Variants in TSC2 observed in about 807,000 individuals in gnomAD.
TSC2 encodes tuberin.
Under a neutral mutation model 202.2 loss-of-function variants are expected in TSC2, and 29 were observed. The ratio of observed to expected loss-of-function variants is 0.14; its 90% CI spans 0.11 to 0.20. The LOEUF is 0.20. TSC2 is among the 10% of genes least tolerant of loss of function. TSC2 has a pLI of 1.00. For synonymous variants in TSC2, 1,349 were observed against 1,044.0 expected, an observed-to-expected ratio of 1.29 and a Z score of -5.63; for missense variants, 2,429 against 2,420.0, an observed-to-expected ratio of 1.00 and a Z score of -0.08.
intron 30 of TSC2, chr16:2,080,648 C>G: frequency 2.2e-6 from 1 of 462,252 alleles, no homozygotes; most frequent in Non-Finnish European, 4.0e-6. Flanking sequence ...CACGCCTGGC[C>G]AATTTTTTTG....
chr16:2,056,841 A>T (rs568282382), intron 8 of TSC2, 72 bp downstream of exon 8: 1 of 1,597,066 alleles, frequency 6.3e-7, no homozygotes, highest in Middle Eastern at 1.7e-4. Context: ...CCTGTCTCCC[A>T]TGAATGGTTG....
At chr16:2,072,765 C>T (rs1472006528) in intron 20 of TSC2, 84 bp from the exon 21 acceptor site, 15 of 1,604,928 alleles carry the variant, frequency 9.3e-6, no homozygotes, top group South Asian at 6.6e-5. Flanking sequence ...CCTGGGCCTG[C>T]GTTCCCAGGG....
intron 14 of TSC2, 26 bp downstream of exon 14, chr16:2,063,079 G>T (rs775442927): frequency 6.4e-7 from 1 of 1,551,090 alleles, no homozygotes. Context: ...GCCGCAGCTG[G>T]GGGCTCAGGG....
chr16:2,069,043 A>G (rs532970978), intron 16 of TSC2, among the ~76,000 whole-genome samples: 2 of 152,296 alleles, frequency 1.3e-5, no homozygotes, highest in South Asian at 4.1e-4. Context: ...GAGGCGGAAG[A>G]AAATTGGCAT....
At chr16:2,070,671 C>T (rs2151284445) in intron 17 of TSC2, 93 bp downstream of exon 17, 5 of 1,584,644 alleles carry the variant, frequency 3.2e-6, no homozygotes, top group Non-Finnish European at 4.3e-6. Context: ...GCAGAGACGG[C>T]CCCAGGATGG....
chr16:2,054,334 G>C lies in TSC2; in HGVS notation c.375G>C (p.Lys125Asn), dbSNP rs778928295. ...GGGTCCTCAGAGCCCTCTTCTTTAAGGTCATCAAGGATTACCCTTCCAACG... is the reference window on the plus strand; with the variant it reads ...GGGTCCTCAGAGCCCTCTTCTTTAACGTCATCAAGGATTACCCTTCCAACG... ...RLGVLRALFF[K>N]VIKDYPSNED... The change falls in exon 5 of 42, where the codon AAG becomes AAC. Residue 125 changes from lysine (K) to asparagine (N), a missense_variant. Physicochemically the swap from Lys to Asn is moderately conservative, Grantham distance 94 (BLOSUM62 0). Coordinates refer to ENST00000219476, the MANE Select transcript of TSC2 (RefSeq NM_000548.5). 2.5e-6 allele frequency: 4 copies of C among 1,614,068 alleles called. No individual in the cohort carries two copies. In the African/African-American group the frequency reaches 4.0e-5, roughly 16 times the overall value.
In TSC2 at chr16:2,073,002, A is replaced by G. The variant is rs535037838; in HGVS notation, c.2355+19A>G. 2 of 1,613,174 alleles carry G rather than the reference A, an allele frequency of 1.2e-6. No homozygotes were observed. Among genetic ancestry groups the G allele is most frequent in the Admixed American group, 1.7e-5 (1 of 60,026 alleles). ...CAAACAGGTAGGAGGTCAGAGCAGG[A>G]CAGGCGAGCTTGATGGGGCCTGGGA... On this transcript the variant is annotated intron_variant, in intron 21 of 41. Coordinates refer to ENST00000219476, the MANE Select transcript of TSC2 (RefSeq NM_000548.5).
intron 9 of TSC2, among the ~76,000 whole-genome samples, chr16:2,058,115 C>G (rs2086120548): frequency 6.6e-6 from 1 of 150,832 alleles, no homozygotes; most frequent in Non-Finnish European, 1.5e-5. Context: ...TCTCTCCTAG[C>G]CCTGCCTCAG....
chr16:2,071,270 T>C, intron 17 of TSC2: 1 of 584,680 alleles, frequency 1.7e-6, no homozygotes, highest in Non-Finnish European at 3.1e-6. Flanking sequence ...CCAGCTGTGG[T>C]GGTGGGGACA....
chr16:2,085,112 C>G (rs1596424595), intron 35 of TSC2, 86 bp downstream of exon 35: 1 of 1,603,086 alleles, frequency 6.2e-7, no homozygotes, highest in African/African-American at 1.3e-5. Flanking sequence ...GCTGGGAGCT[C>G]AGGCTTGCAG....
At chr16:2,058,660 G>T in intron 9 of TSC2, 87 bp from the exon 10 acceptor site, 1 of 1,537,104 alleles carries the variant, frequency 6.5e-7, no homozygotes, top group South Asian at 1.2e-5. Flanking sequence ...TGGGGCTGCT[G>T]CAGGAGCCTC....
intron 21 of TSC2, 54 bp from the exon 22 acceptor site, chr16:2,074,146 C>T (rs750155470): frequency 1.2e-5 from 19 of 1,605,314 alleles, no homozygotes; most frequent in African/African-American, 2.7e-5. Flanking sequence ...GAGGGGTAGG[C>T]GAGGCTGCCT....
rs756121647 is a variant in TSC2, at chr16:2,056,703, C to T, written c.708C>T (p.Leu236=). ...ACAACTGCCTGCCGGCTGAGAGCCT[C>T]CCGCTGTTCATCGTTACCCTCTGTC... ...VCYNCLPAES[L]PLFIVTLCRT... is the part of the protein sequence containing the mutation. The change falls in exon 8 of 42, where the codon CTC becomes CTT. Residue 236 remains leucine, a synonymous_variant. Coordinates refer to ENST00000219476, the MANE Select transcript of TSC2 (RefSeq NM_000548.5). 80 of 1,612,562 alleles carry T rather than the reference C, an allele frequency of 5.0e-5. No individual in the cohort carries two copies. The highest frequency in any genetic ancestry group is 1.6e-4 in the Middle Eastern group (1 of 6,084).
At position 2,083,816 on chromosome 16, in the gene TSC2, G is replaced by C. The variant is rs2090436302; in HGVS notation, c.4005G>C (p.Arg1335Ser). The C allele has an allele frequency of 1.2e-6, 2 of 1,610,724 alleles. No individual in the cohort carries two copies. Among genetic ancestry groups the C allele is most frequent in the Non-Finnish European group, 8.5e-7 (1 of 1,179,458 alleles). The part of the protein sequence containing the change: ...GMDRRTDAYS[R>S]SSSVSSQEEK... ...ACAGGCGCACGGATGCCTACAGCAG[G>C]GTGAGTGTGGCTCAGAGCCTGGACC... Residue 1335 changes from arginine to serine, a missense_variant and splice_region_variant, in exon 33 of 42, where the codon AGG becomes AGC. Arg to Ser is a moderately radical substitution (Grantham distance 110). Transcript: ENST00000219476.
At chr16:2,048,545 A>T (rs1448137621) in intron 1 of TSC2, 42 bp from the exon 2 acceptor site, 1 of 1,612,148 alleles carries the variant, frequency 6.2e-7, no homozygotes, top group South Asian at 1.1e-5. Flanking sequence ...AGGTGGGCAG[A>T]GGTGTTGCTC....
intron 17 of TSC2, 170 bp from the exon 18 acceptor site, chr16:2,071,340 T>C (rs1395751867): frequency 7.2e-6 from 5 of 695,996 alleles, no homozygotes; most frequent in Non-Finnish European, 1.0e-5. Flanking sequence ...GGGCCTCCGG[T>C]GTCACCAGGA....
chr16:2,070,627 A>G (rs1317901328), intron 17 of TSC2, 49 bp downstream of exon 17: 3 of 1,611,900 alleles, frequency 1.9e-6, no homozygotes, highest in African/African-American at 1.3e-5. Context: ...CCAGCCAGGT[A>G]TCCCCGTCTC....
intron 30 of TSC2, 114 bp downstream of exon 30, chr16:2,080,491 GT>G (rs58192244): frequency 9.2e-4 from 1,029 of 1,114,364 alleles, no homozygotes; most frequent in Middle Eastern, 1.6e-3. Context: ...GGTAACTTTT[GT>G]TTTTTTTTTG....
At chr16:2,054,824 C>T (rs1365175447) in intron 5 of TSC2, 2 of 367,538 alleles carry the variant, frequency 5.4e-6, no homozygotes, top group Middle Eastern at 8.8e-4. Context: ...TCCTGCCATC[C>T]TGTGGTGGGA....
Sources: allele counts gnomAD v4.1 joint callset (sites outside exome capture counted in the v4.1 genomes callset), GRCh38; gene constraint gnomAD v4.1.1; transcripts MANE v1.5; gene names NCBI Gene and HGNC (gene_info 2026-07-23, HGNC 2026-07-21).